Variants in STOX2 observed in about 807,000 individuals in gnomAD.
STOX2 encodes storkhead-box protein 2.
In STOX2, 28 loss-of-function variants were observed where a neutral mutation model predicts 60.9. The observed-to-expected ratio is 0.46, with a 90% CI of 0.34 to 0.63. STOX2 has a LOEUF of 0.63. Ranked by LOEUF, STOX2 falls within the 30% of genes least tolerant of loss-of-function variation. The pLI, the probability that STOX2 is intolerant of heterozygous loss-of-function variation, is 0.01. For missense variants in STOX2, 1,024 were observed against 1,187.7 expected (o/e 0.86, Z 2.03); for synonymous variants, 472 against 463.9 (o/e 1.02, Z -0.22).
intron 1 of STOX2, among the ~76,000 whole-genome samples, chr4:183,976,664 T>C (rs906871598): frequency 9.9e-5 from 15 of 152,152 alleles, no homozygotes; most frequent in African/African-American, 2.9e-4. Context: ...TGGCATGCAA[T>C]ATACCCATGT....
chr4:183,962,655 C>A (rs1489636261), intron 1 of STOX2, among the ~76,000 whole-genome samples: 1 of 152,120 alleles, frequency 6.6e-6, no homozygotes, highest in Non-Finnish European at 1.5e-5. Context: ...AGATTAATGG[C>A]AGATGCAGTA....
chr4:183,956,401 TATCTATC>T (rs1390539505), intron 1 of STOX2, among the ~76,000 whole-genome samples: 1 of 141,546 alleles, frequency 7.1e-6, no homozygotes, highest in Non-Finnish European at 1.5e-5. Flanking sequence ...TCTATCTATC[TATCTATC>T]ACCTATCTGT....
rs748811358 is a variant in STOX2 at position 183,856,555 on chromosome 4, C to A, written c.364+58500C>A. Among the ~76,000 whole-genome samples, 24 of 152,218 alleles carry A rather than the reference C, an allele frequency of 1.6e-4. No individual in the cohort carries two copies. Among genetic ancestry groups the A allele is most frequent in the Non-Finnish European group, 2.8e-4 (19 of 68,046 alleles). ...AGTTCAGGGATCTGCCTTCCAAAGC[C>A]TTGTCTAAAAGCCGTCCCTGCTCTC... On this transcript the variant is annotated intron_variant, in intron 1 of 2. Coordinates refer to the STOX2 transcript ENST00000513034. The surrounding 1 kb of genome is among the most constrained non-coding windows in gnomAD (Gnocchi z 4.0).
intron 1 of STOX2, among the ~76,000 whole-genome samples, chr4:183,945,792 G>C (rs139591582): frequency 1.3e-5 from 2 of 152,176 alleles, no homozygotes; most frequent in African/African-American, 4.8e-5. Flanking sequence ...TCCTCAGTCG[G>C]TGTGTTCTTT....
chr4:183,984,871 T>C (rs958340143), intron 1 of STOX2, among the ~76,000 whole-genome samples: 1 of 152,184 alleles, frequency 6.6e-6, no homozygotes, highest in Admixed American at 6.5e-5. Context: ...GGAGGAGGAC[T>C]GCTAATGATG....
chr4:183,883,567 C>T (rs1331606533), intron 1 of STOX2, among the ~76,000 whole-genome samples: 3 of 152,128 alleles, frequency 2.0e-5, no homozygotes, highest in Non-Finnish European at 2.9e-5. Context: ...CCACCCGTCT[C>T]GGCCTCCCAA....
At chr4:183,955,931 G>C (rs12500390) in intron 1 of STOX2, among the ~76,000 whole-genome samples, 1 of 151,592 alleles carries the variant, frequency 6.6e-6, no homozygotes, top group East Asian at 1.9e-4. Flanking sequence ...AGTCTACCAG[G>C]CTCCAGAGTG....
intron 1 of STOX2, among the ~76,000 whole-genome samples, chr4:183,899,802 T>C (rs1741424346): frequency 6.6e-6 from 1 of 152,208 alleles, no homozygotes; most frequent in Non-Finnish European, 1.5e-5. Flanking sequence ...AAGGTGACTA[T>C]ACTAAACAAT....
chr4:183,877,475 C>T lies in STOX2; in HGVS notation c.364+79420C>T, dbSNP rs528869340. Among the ~76,000 whole-genome samples the T allele has an allele frequency of 6.9e-4, 105 of 152,310 alleles. No individual in the cohort carries two copies. In the Middle Eastern group the frequency reaches 0.014, roughly 20 times the overall value. On this transcript the variant is annotated intron_variant, in intron 1 of 2. Coordinates refer to the STOX2 transcript ENST00000513034. ...TCACTGACCAAAAGAATCAATGGAT[C>T]AGAGCATATAGAGATTACTTTTGAC...
At chr4:183,993,782 T>C (rs2111209904) in intron 1 of STOX2, among the ~76,000 whole-genome samples, 1 of 152,306 alleles carries the variant, frequency 6.6e-6, no homozygotes, top group Admixed American at 6.5e-5. Flanking sequence ...CTTCTGAATG[T>C]CAAATACAAA....
At chr4:183,803,038 A>G (rs577422325) in intron 1 of STOX2, among the ~76,000 whole-genome samples, 2 of 152,344 alleles carry the variant, frequency 1.3e-5, no homozygotes, top group South Asian at 2.1e-4. Flanking sequence ...CCTCACAATC[A>G]TGGCAGAAGG....
intron 1 of STOX2, among the ~76,000 whole-genome samples, chr4:183,834,838 A>G (rs1739663588): frequency 6.6e-6 from 1 of 152,216 alleles, no homozygotes; most frequent in Admixed American, 6.5e-5. Flanking sequence ...TCCTACCTCA[A>G]GAAACTTCAA....
rs1011388386 is a variant in STOX2, at chr4:183,954,272, G to A, written c.167-47053G>A. ...TACCAAGCCTGTGCTATTCATTAGGGTTTTTTTGTTTTTTGTTTTTGTTTT... is the reference window on the plus strand; with the variant it reads ...TACCAAGCCTGTGCTATTCATTAGGATTTTTTTGTTTTTTGTTTTTGTTTT... On this transcript the variant is annotated intron_variant, in intron 1 of 3. Coordinates refer to ENST00000308497, the MANE Select transcript of STOX2 (RefSeq NM_020225.3). Among the ~76,000 whole-genome samples, 5 of 126,230 alleles carry A rather than the reference G, an allele frequency of 4.0e-5. No individual in the cohort carries two copies. The South Asian group carries it at 9.4e-4, about 24-fold the overall frequency. The allele number at this position is 126,230 out of a possible 152,430, so 82.8% of individuals were successfully genotyped here. A position where few individuals can be genotyped will look rare whatever the true frequency, so the allele number is the denominator to read the frequency against.
chr4:183,935,552 C>A (rs1167504559), intron 1 of STOX2, among the ~76,000 whole-genome samples: 5 of 152,178 alleles, frequency 3.3e-5, no homozygotes, highest in Non-Finnish European at 7.4e-5. Flanking sequence ...AGGGGCCCAG[C>A]AGTTTGGTAG....
Position 183,900,085 on chromosome 4 carries a change from T to G in STOX2, c.365-101240T>G, listed in dbSNP as rs1579389764. Among the ~76,000 whole-genome samples the G allele has an allele frequency of 3.9e-5, 6 of 152,326 alleles. No homozygotes were observed. In the South Asian group the frequency reaches 1.2e-3, roughly 32 times the overall value. ...ACAACAAAGCCTGGATGACATCACA[T>G]CTGGTTACAACATGGTTTACTGAAT... On this transcript the variant is annotated intron_variant, in intron 1 of 2. Transcript: ENST00000513034.
chr4:183,824,292 C>T (rs1456878144), intron 1 of STOX2, among the ~76,000 whole-genome samples: 3 of 152,178 alleles, frequency 2.0e-5, no homozygotes, highest in African/African-American at 4.8e-5. Context: ...ATTCTCACCA[C>T]CTGCTAATGT....
In STOX2 at chr4:184,010,369, G is replaced by A; in HGVS notation, c.1531G>A (p.Asp511Asn). 1 of 1,612,844 alleles carries A rather than the reference G, an allele frequency of 6.2e-7. No homozygotes were observed. Among genetic ancestry groups the A allele is most frequent in the South Asian group, 1.1e-5 (1 of 90,732 alleles). ...LGASSLGTPE[D>N]LAEGCSQDDQ... ...TGCTTCTTCTCTAGGGACGCCGGAAGACCTTGCTGAAGGCTGCAGCCAAGA... is the reference window on the plus strand; with the variant it reads ...TGCTTCTTCTCTAGGGACGCCGGAAAACCTTGCTGAAGGCTGCAGCCAAGA... Residue 511 changes from aspartate (D) to asparagine (N), a missense_variant, in exon 3 of 4, where the codon GAC becomes AAC. Coordinates refer to ENST00000308497, the MANE Select transcript of STOX2 (RefSeq NM_020225.3). This position sits in a 1 kb window ranked among gnomAD's most constrained non-coding sequence, Gnocchi z 4.5.
intron 1 of STOX2, among the ~76,000 whole-genome samples, chr4:183,810,706 G>A (rs191472518): frequency 1.3e-5 from 2 of 152,030 alleles, no homozygotes; most frequent in African/African-American, 4.8e-5. Flanking sequence ...TGGATGAATT[G>A]CCTGCACCCT....
At chr4:183,963,866 C>T (rs1743484649) in intron 1 of STOX2, among the ~76,000 whole-genome samples, 1 of 151,610 alleles carries the variant, frequency 6.6e-6, no homozygotes, top group Non-Finnish European at 1.5e-5. Flanking sequence ...AGCTCCGCCT[C>T]CCGGGTTCAT....
Sources: allele counts gnomAD v4.1 joint callset (sites outside exome capture counted in the v4.1 genomes callset), GRCh38; gene constraint gnomAD v4.1.1; non-coding constraint Gnocchi (gnomAD v3.1); transcripts MANE v1.5; gene names NCBI Gene and HGNC (gene_info 2026-07-23, HGNC 2026-07-21).